The following ZNF829 variants were observed in gnomAD, a reference collection of about 807,000 sequenced individuals.
The protein encoded by ZNF829 is zinc finger protein 829.
A neutral mutation model predicts 35.2 loss-of-function variants in ZNF829; 25 were observed. The ratio of observed to expected loss-of-function variants is 0.71; its 90% CI spans 0.52 to 0.99. The LOEUF (loss-of-function observed/expected upper bound fraction) is 0.99, where lower values mean the gene tolerates loss of function less well. Ranked by LOEUF, ZNF829 falls within the 50% of genes least tolerant of loss-of-function variation. The pLI is 0.00. For synonymous variants in ZNF829, 136 were observed against 163.2 expected (o/e 0.83, Z 1.27); for missense variants, 417 against 515.3 (o/e 0.81, Z 1.85).
Position 36,889,621 on chromosome 19 carries a change from A to G in ZNF829, c.*1871T>C, listed in dbSNP as rs1388481516. The G allele has an allele frequency of 1.3e-5, 2 of 152,186 alleles. No individual in the cohort carries two copies. Among genetic ancestry groups the G allele is most frequent in the Non-Finnish European group, 2.9e-5 (2 of 68,038 alleles). The allele number at this position is 152,186 out of a possible 1,614,324, so 9.4% of individuals were successfully genotyped here. A position where few individuals can be genotyped will look rare whatever the true frequency, so the allele number is the denominator to read the frequency against. On this transcript the variant is annotated 3_prime_UTR_variant, in exon 6 of 6. Transcript: ENST00000391711. ...TTATATGTCTGTGTTATCAGTTATAATATCACCTTATCATTTCTGATTGTA... is the reference window on the plus strand; with the variant it reads ...TTATATGTCTGTGTTATCAGTTATAGTATCACCTTATCATTTCTGATTGTA...
chr19:36,909,965 A>T (rs2073250154), intron 3 of ZNF829, among the ~76,000 whole-genome samples: 4 of 152,190 alleles, frequency 2.6e-5, no homozygotes, highest in Non-Finnish European at 5.9e-5. Flanking sequence ...AGGAATATTA[A>T]TTAGAAATAT....
intron 5 of ZNF829, among the ~76,000 whole-genome samples, chr19:36,897,935 G>A (rs910307403): frequency 3.9e-5 from 6 of 152,206 alleles, no homozygotes; most frequent in African/African-American, 9.6e-5. Context: ...TTGGAAGGCC[G>A]AGGTGGGTGG....
In ZNF829 at chr19:36,892,172, T is replaced by C; in HGVS notation, c.619A>G (p.Thr207Ala). Residue 207 changes from threonine to alanine, a missense_variant, in exon 6 of 6, where the codon ACT becomes GCT. Thr to Ala is a moderately conservative substitution (Grantham distance 58). Coordinates refer to ENST00000391711, the MANE Select transcript of ZNF829 (RefSeq NM_001037232.4). ...TTACATTCATAGGGTTTTTTACCAG[T>C]GTGAATCCTCTGATGTCGAGTAACG... Reference protein sequence around the residue: ...SLVTRHQRIHTGKKPYECKEC... With the variant: ...SLVTRHQRIHAGKKPYECKEC... 2 of 1,614,186 alleles carry C rather than the reference T, an allele frequency of 1.2e-6. No individual in the cohort carries two copies. Among genetic ancestry groups the C allele is most frequent in the Non-Finnish European group, 1.7e-6 (2 of 1,180,030 alleles).
intron 5 of ZNF829, among the ~76,000 whole-genome samples, chr19:36,898,806 T>C (rs998842808): frequency 2.6e-5 from 4 of 152,076 alleles, no homozygotes; most frequent in Non-Finnish European, 5.9e-5. Flanking sequence ...ATCCATATAG[T>C]GAAGAATGAA....
At position 36,891,635 on chromosome 19, in the gene ZNF829, CACATTCATT is replaced by C. The variant is rs750851502; in HGVS notation, c.1147_1155del (p.Asn383_Cys385del). 2 of 1,613,488 alleles carry C rather than the reference CACATTCATT, an allele frequency of 1.2e-6. No homozygotes were observed. Among genetic ancestry groups the C allele is most frequent in the East Asian group, 4.5e-5 (2 of 44,810 alleles). The stretch of plus-strand genomic sequence containing the variant: ...TTTGAGCCTTTATTAAAGGCCTTCC[CACATTCATT>C]ACATTCATATGGTTTTTCATCTGTA... On this transcript the variant is annotated inframe_deletion, in exon 6 of 6. Transcript: ENST00000391711.
chr19:36,915,760 C>A, intron 1 of ZNF829: 1 of 1,170,298 alleles, frequency 8.5e-7, no homozygotes, highest in Non-Finnish European at 1.2e-6. Flanking sequence ...CCATGCCTAG[C>A]TAATTTTTGT....
In ZNF829 at chr19:36,891,368, A is replaced by G; in HGVS notation, c.*124T>C. 1 of 986,128 alleles carries G rather than the reference A, an allele frequency of 1.0e-6. No homozygotes were observed. Among genetic ancestry groups the G allele is most frequent in the Non-Finnish European group, 1.4e-6 (1 of 705,162 alleles). 61.1% of individuals were successfully genotyped at this position (986,128 alleles called of 1,614,324 possible). On this transcript the variant is annotated 3_prime_UTR_variant, in exon 6 of 6. Transcript: ENST00000391711. The stretch of plus-strand genomic sequence containing the variant: ...AGGTTTTGGTACTTGGTACTTTGTT[A>G]TCGTATCGTTTAAAAACGAATACAT...
Position 36,888,146 on chromosome 19 carries a change from A to G in ZNF829, c.*3346T>C, listed in dbSNP as rs564355496. ...ACGTGATGGTGAAACAGAAGAGTTTATAGTAACATGAACATGCCTGTTAAA... is the reference window on the plus strand; with the variant it reads ...ACGTGATGGTGAAACAGAAGAGTTTGTAGTAACATGAACATGCCTGTTAAA... On this transcript the variant is annotated 3_prime_UTR_variant, in exon 6 of 6. Transcript: ENST00000391711. 3.9e-5 allele frequency: 6 copies of G among 152,336 alleles called. No homozygotes were observed. Among genetic ancestry groups the G allele is most frequent in the Non-Finnish European group, 7.4e-5 (5 of 68,024 alleles). The allele number at this position is 152,336 out of a possible 1,614,324, so 9.4% of individuals were successfully genotyped here.
intron 3 of ZNF829, among the ~76,000 whole-genome samples, chr19:36,912,330 T>G (rs1314533297): frequency 6.6e-6 from 1 of 152,156 alleles, no homozygotes; most frequent in African/African-American, 2.4e-5. Flanking sequence ...CTATACCAGT[T>G]CTTATCCAGG....
intron 3 of ZNF829, among the ~76,000 whole-genome samples, chr19:36,910,373 C>A (rs978525595): frequency 9.9e-5 from 15 of 152,184 alleles, no homozygotes; most frequent in African/African-American, 3.6e-4. Context: ...GCGTGAGCCA[C>A]CACGCCTGGC....
intron 5 of ZNF829, among the ~76,000 whole-genome samples, chr19:36,895,845 A>C (rs1057033654): frequency 1.3e-5 from 2 of 152,156 alleles, no homozygotes; most frequent in African/African-American, 4.8e-5. Context: ...CAGCACCCAG[A>C]TATATAAGCA....
chr19:36,889,358 A>G lies in ZNF829; in HGVS notation c.*2134T>C, dbSNP rs1396571570. The G allele has an allele frequency of 3.3e-5, 5 of 152,174 alleles. No individual in the cohort carries two copies. Among genetic ancestry groups the G allele is most frequent in the African/African-American group, 9.6e-5 (4 of 41,458 alleles). 9.4% of individuals were successfully genotyped at this position (152,174 alleles called of 1,614,324 possible). The stretch of plus-strand genomic sequence containing the variant: ...TCCTATAATTTTTGGAATAGTTTCA[A>G]TAGTGCTGTTACTAGTTCTTCCTTG... On this transcript the variant is annotated 3_prime_UTR_variant, in exon 6 of 6. Coordinates refer to ENST00000391711, the MANE Select transcript of ZNF829 (RefSeq NM_001037232.4).
rs1169650750 is a variant in ZNF829, at chr19:36,889,353, T to G, written c.*2139A>C. On this transcript the variant is annotated 3_prime_UTR_variant, in exon 6 of 6. Coordinates refer to ENST00000391711, the MANE Select transcript of ZNF829 (RefSeq NM_001037232.4). ...TTCCCTCCTATAATTTTTGGAATAG[T>G]TTCAATAGTGCTGTTACTAGTTCTT... 4 of 152,188 alleles carry G rather than the reference T, an allele frequency of 2.6e-5. No individual in the cohort carries two copies. The highest frequency in any genetic ancestry group is 9.7e-5 in the African/African-American group (4 of 41,444). The allele number at this position is 152,188 out of a possible 1,614,324, so 9.4% of individuals were successfully genotyped here.
chr19:36,908,849 T>C (rs1568372021), intron 3 of ZNF829, among the ~76,000 whole-genome samples: 2 of 152,144 alleles, frequency 1.3e-5, no homozygotes, highest in Admixed American at 6.6e-5. Flanking sequence ...AGAATGGCAA[T>C]AGACTTCTCA....
chr19:36,899,202 G>A (rs942055069), intron 5 of ZNF829, among the ~76,000 whole-genome samples: 50 of 152,148 alleles, frequency 3.3e-4, no homozygotes, highest in African/African-American at 9.4e-4. Flanking sequence ...CACATTGGGA[G>A]GCCAAGTCAG....
intron 5 of ZNF829, among the ~76,000 whole-genome samples, chr19:36,902,590 G>A (rs919922453): frequency 2.4e-4 from 36 of 151,384 alleles, no homozygotes; most frequent in African/African-American, 8.5e-4. Flanking sequence ...AGGTTGTAGT[G>A]AGCCAAGATG....
Position 36,909,257 on chromosome 19 carries a change from C to G in ZNF829, c.97-798G>C, listed in dbSNP as rs565559313. Among the ~76,000 whole-genome samples the G allele has an allele frequency of 3.0e-4, 45 of 152,124 alleles. 1 individual carries two copies. In the East Asian group the frequency reaches 8.3e-3, roughly 28 times the overall value. ...ATAGGAAAGACATCTCCAAAGAAAA[C>G]TAAGGAGCTAGTATGTTTCATCATG... is the stretch of plus-strand genomic sequence containing the variant. On this transcript the variant is annotated intron_variant, in intron 3 of 5. Coordinates refer to ENST00000391711, the MANE Select transcript of ZNF829 (RefSeq NM_001037232.4).
rs2073067213 is a variant in ZNF829, at chr19:36,892,493, A to C, written c.320-22T>G. The C allele has an allele frequency of 2.1e-5, 32 of 1,537,832 alleles. No individual in the cohort carries two copies. The East Asian group carries it at 7.2e-4, about 35-fold the overall frequency. On this transcript the variant is annotated intron_variant, in intron 5 of 5. Transcript: ENST00000391711. ...AGATCTGAAAGAAAATACAAAGGCA[A>C]ATAAATTTTCCTATTCTGGGCAAGT...
intron 3 of ZNF829, among the ~76,000 whole-genome samples, chr19:36,914,599 T>C (rs2073292795): frequency 6.6e-6 from 1 of 152,202 alleles, no homozygotes; most frequent in South Asian, 2.1e-4. Context: ...CAAAAATGTA[T>C]TTCCCAAGAC....
Sources: allele counts gnomAD v4.1 joint callset (sites outside exome capture counted in the v4.1 genomes callset), GRCh38; gene constraint gnomAD v4.1.1; transcripts MANE v1.5; gene names NCBI Gene and HGNC (gene_info 2026-07-23, HGNC 2026-07-21).